Variants in MAN2B1 observed in about 807,000 individuals in gnomAD.
The protein encoded by MAN2B1 is lysosomal alpha-mannosidase.
A neutral mutation model predicts 127.5 loss-of-function variants in MAN2B1; 99 were observed. The ratio of observed to expected loss-of-function variants is 0.78; its 90% CI spans 0.66 to 0.92. The LOEUF is 0.92. Among genes scored for constraint, MAN2B1 ranks in the 40% least tolerant of loss-of-function variants. The probability of loss-of-function intolerance (pLI) is 0.00; values close to 1 mark genes in which losing one functional copy is unlikely to be tolerated. For synonymous variants in MAN2B1, 573 were observed against 568.8 expected (o/e 1.01, Z -0.11); for missense variants, 1,304 against 1,384.8 (o/e 0.94, Z 0.93).
At position 12,661,274 on chromosome 19, in the gene MAN2B1, G is replaced by A. The variant is rs143670944; in HGVS notation, c.1012C>T (p.Leu338=). 3.4e-5 allele frequency: 55 copies of A among 1,613,234 alleles called. No individual in the cohort carries two copies. The highest frequency in any genetic ancestry group is 4.2e-5 in the Non-Finnish European group (50 of 1,179,314). ...WFKNLDKLIR[L]VNAQQAKGSS... ...GGCGCACTGACCTGCGCATTTACCA[G>A]CCGGATGAGCTTGTCAAGGTTCTTG... is the stretch of plus-strand genomic sequence containing the variant. Residue 338 remains leucine (L), a synonymous_variant, in exon 7 of 24, where the codon CTG becomes TTG. Transcript: ENST00000456935.
rs1170482067 is a variant in MAN2B1 at position 12,655,822 on chromosome 19, C to T, written c.1702G>A (p.Ala568Thr). ...QAHPPELLFS[A>T]SLPALGFSTY... The stretch of plus-strand genomic sequence containing the variant: ...CTGAAGCCCAGGGCGGGCAGTGAGG[C>T]TGAGAACAGCAGCTCCGGAGGGTGC... Residue 568 changes from alanine to threonine, a missense_variant, in exon 14 of 24, where the codon GCC (alanine) becomes ACC (threonine). Ala to Thr is a moderately conservative substitution (Grantham distance 58). Coordinates refer to ENST00000456935, the MANE Select transcript of MAN2B1 (RefSeq NM_000528.4). 5 of 1,613,668 alleles carry T rather than the reference C, an allele frequency of 3.1e-6. No homozygotes were observed. The highest frequency in any genetic ancestry group is 1.7e-4 in the Middle Eastern group (1 of 6,050).
At chr19:12,658,644 A>G (rs538438295) in intron 7 of MAN2B1, 134 bp from the exon 8 acceptor site, 60 of 824,258 alleles carry the variant, frequency 7.3e-5, no homozygotes, top group South Asian at 7.3e-4. Flanking sequence ...GTGCAAGCCA[A>G]TGGTTGGGTG....
In MAN2B1 at chr19:12,647,573, G is replaced by C. The variant is rs1195402115; in HGVS notation, c.2690C>G (p.Pro897Arg). The C allele has an allele frequency of 6.2e-7, 1 of 1,613,970 alleles. No homozygotes were observed. The highest frequency in any genetic ancestry group is 1.1e-5 in the South Asian group (1 of 91,068). The change falls in exon 22 of 24, where the codon CCG becomes CGG. Residue 897 changes from proline to arginine, a missense_variant. Physicochemically the swap from Pro to Arg is moderately radical, Grantham distance 103 (BLOSUM62 -2). Transcript: ENST00000456935. The surrounding 1 kb of genome is among the most constrained non-coding windows in gnomAD (Gnocchi z 4.9). ...TQFSGLRRDL[P>R]PSVHLLTLAS... ...CAGCGTGAGCAGGTGCACCGAGGGC[G>C]GCAGGTCCCTGCGCAGCCCTGAGAA...
At chr19:12,656,805 C>G (rs2023972396) in intron 12 of MAN2B1, 118 bp from the exon 13 acceptor site, 9 of 1,047,256 alleles carry the variant, frequency 8.6e-6, no homozygotes, top group African/African-American at 1.6e-5. Context: ...TAAGGCCAAG[C>G]CCCCTCGAGA....
rs2023780336 is a variant in MAN2B1, at chr19:12,649,365, T to C, written c.2331A>G (p.Pro777=). The C allele has an allele frequency of 2.5e-6, 4 of 1,613,478 alleles. No homozygotes were observed. Among genetic ancestry groups the C allele is most frequent in the Non-Finnish European group, 3.4e-6 (4 of 1,179,818 alleles). ...CCGTGATGTAAATCCGGGTGTTGAC[T>C]GGATAGTAGTTTCCTGCCACGGGCT... ...QTEPVAGNYY[P]VNTRIYITDG... The change falls in exon 19 of 24, where the codon CCA becomes CCG. Residue 777 remains proline (P), a synonymous_variant. Coordinates refer to ENST00000456935, the MANE Select transcript of MAN2B1 (RefSeq NM_000528.4).
rs1489586190 is a variant in MAN2B1, at chr19:12,647,633, G to T, written c.2665-35C>A. On this transcript the variant is annotated intron_variant, in intron 21 of 23. Transcript: ENST00000456935. This position sits in a 1 kb window ranked among gnomAD's most constrained non-coding sequence, Gnocchi z 4.9. ...AGAGGGCGGGGCTGAGTTGGAGAGG[G>T]GCGGGGCCTGGATGGAGAAGGGCGG... 6.3e-7 allele frequency: 1 copy of T among 1,592,216 alleles called. No homozygotes were observed. Among genetic ancestry groups the T allele is most frequent in the Non-Finnish European group, 8.6e-7 (1 of 1,168,586 alleles).
intron 14 of MAN2B1, among the ~76,000 whole-genome samples, chr19:12,654,028 CT>C (rs1229468275): frequency 1.3e-5 from 2 of 150,446 alleles, no homozygotes; most frequent in Non-Finnish European, 3.0e-5. Context: ...CCAGCCTTTT[CT>C]TTTTTTCTTT....
chr19:12,656,058 G>C, intron 13 of MAN2B1, 179 bp from the exon 14 acceptor site: 15 of 502,190 alleles, frequency 3.0e-5, no homozygotes, highest in East Asian at 3.5e-5. Context: ...TCACCAGGTG[G>C]AAAAAAAAAC....
chr19:12,656,385 C>T (rs2023958258), intron 13 of MAN2B1, 186 bp downstream of exon 13: 1 of 574,982 alleles, frequency 1.7e-6, no homozygotes, highest in Admixed American at 3.0e-5. Flanking sequence ...GAGGACCACT[C>T]ACAGGAGGCA....
chr19:12,664,321 A>T (rs1007401946), intron 4 of MAN2B1, among the ~76,000 whole-genome samples: 9 of 152,210 alleles, frequency 5.9e-5, no homozygotes, highest in African/African-American at 2.2e-4. Flanking sequence ...TTGGGCTAGC[A>T]GGGAGAGGGC....
Position 12,647,480 on chromosome 19 carries a change from C to T in MAN2B1, c.2783G>A (p.Gly928Glu). 2 of 1,614,238 alleles carry T rather than the reference C, an allele frequency of 1.2e-6. No individual in the cohort carries two copies. Among genetic ancestry groups the T allele is most frequent in the Non-Finnish European group, 1.7e-6 (2 of 1,180,042 alleles). The change falls in exon 22 of 24, where the codon GGA becomes GAA. Residue 928 changes from glycine (G) to glutamate (E), a missense_variant. Transcript: ENST00000456935. This position sits in a 1 kb window ranked among gnomAD's most constrained non-coding sequence, Gnocchi z 4.9. Reference protein sequence around the residue: ...EHQFAVGEDSGRNLSAPVTLN... With the variant: ...EHQFAVGEDSERNLSAPVTLN... ...GGTAACGGGGGCGCTCAGGTTACGT[C>T]CGGAATCCTCTCCTACGGCAAACTG...
At position 12,658,648 on chromosome 19, in the gene MAN2B1, T is replaced by C. The variant is rs547314894; in HGVS notation, c.1027-138A>G. On this transcript the variant is annotated intron_variant, in intron 7 of 23. Coordinates refer to ENST00000456935, the MANE Select transcript of MAN2B1 (RefSeq NM_000528.4). ...ACATATTTGGCGTGCAAGCCAATGG[T>C]TGGGTGTGAAAATGAATTTTGGCTG... 8 of 807,868 alleles carry C rather than the reference T, an allele frequency of 9.9e-6. No homozygotes were observed. The Admixed American group carries it at 1.2e-4, about 12-fold the overall frequency. The allele number at this position is 807,868 out of a possible 1,614,324, so 50.0% of individuals were successfully genotyped here.
chr19:12,664,096 C>A, intron 4 of MAN2B1, among the ~76,000 whole-genome samples: 1 of 152,100 alleles, frequency 6.6e-6, no homozygotes, highest in East Asian at 1.9e-4. Context: ...CGTAGTGGTG[C>A]GCTCTTGTAG....
rs987054644 is a variant in MAN2B1 at position 12,655,751 on chromosome 19, G to A, written c.1773C>T (p.Arg591=). Residue 591 remains arginine, a synonymous_variant, in exon 14 of 24, where the codon CGC becomes CGT. Coordinates refer to ENST00000456935, the MANE Select transcript of MAN2B1 (RefSeq NM_000528.4). ...ATCTTCTGGGGATGGGCTGTGGTGC[G>A]CGGGCCTGGGGCTTCCAGCGAGGCA... ...AQVPRWKPQA[R]APQPIPRRSW... The A allele has an allele frequency of 5.6e-6, 9 of 1,609,048 alleles. No individual in the cohort carries two copies. The highest frequency in any genetic ancestry group is 1.1e-5 in the South Asian group (1 of 90,844).
In MAN2B1 at chr19:12,648,424, G is replaced by A. The variant is rs550855892; in HGVS notation, c.2437-22C>T. ...GCACCTGGGGGGAGAGTGGCCAGGA[G>A]GGGGTGAGAGTCGTGGGTTTGTGGG... is the stretch of plus-strand genomic sequence containing the variant. On this transcript the variant is annotated intron_variant, in intron 20 of 23. Coordinates refer to ENST00000456935, the MANE Select transcript of MAN2B1 (RefSeq NM_000528.4). The A allele has an allele frequency of 2.5e-5, 39 of 1,585,384 alleles. No homozygotes were observed. The African/African-American group carries it at 5.0e-4, about 20-fold the overall frequency.
In MAN2B1 at chr19:12,647,351, T is replaced by G. The variant is rs370579499; in HGVS notation, c.2821-16A>C. 2 of 1,612,518 alleles carry G rather than the reference T, an allele frequency of 1.2e-6. No homozygotes were observed. The highest frequency in any genetic ancestry group is 1.7e-6 in the Non-Finnish European group (2 of 1,178,618). Reference sequence around the variant, plus strand: ...AGAACAGGTCCTGCGGGGAAGGGGATGGGCCCAGATGAGTTGGGGCAAAGC... The same window carrying G: ...AGAACAGGTCCTGCGGGGAAGGGGAGGGGCCCAGATGAGTTGGGGCAAAGC... On this transcript the variant is annotated splice_polypyrimidine_tract_variant and intron_variant, in intron 22 of 23. Coordinates refer to ENST00000456935, the MANE Select transcript of MAN2B1 (RefSeq NM_000528.4). This position sits in a 1 kb window ranked among gnomAD's most constrained non-coding sequence, Gnocchi z 4.9.
chr19:12,654,239 T>C (rs1211912018), intron 14 of MAN2B1, among the ~76,000 whole-genome samples: 1 of 152,064 alleles, frequency 6.6e-6, no homozygotes, highest in Non-Finnish European at 1.5e-5. Context: ...AGTCAGGGTT[T>C]CACCGTGTTA....
intron 1 of MAN2B1, among the ~76,000 whole-genome samples, chr19:12,666,133 C>T (rs1220361332): frequency 1.3e-5 from 2 of 152,152 alleles, no homozygotes; most frequent in Non-Finnish European, 2.9e-5. Flanking sequence ...GATGAAGGCA[C>T]TGAGGCTTAG....
chr19:12,647,715 G>T lies in MAN2B1; in HGVS notation c.2665-117C>A, dbSNP rs1029823733. ...TGTAGGGGCGGGGTTTCGCCGGAGA[G>T]GGGCAAGGCTCAGCCGAGAGGAGCG... On this transcript the variant is annotated intron_variant, in intron 21 of 23. Coordinates refer to ENST00000456935, the MANE Select transcript of MAN2B1 (RefSeq NM_000528.4). This position sits in a 1 kb window ranked among gnomAD's most constrained non-coding sequence, Gnocchi z 4.9. 2.3e-5 allele frequency: 19 copies of T among 826,986 alleles called. No homozygotes were observed. The highest frequency in any genetic ancestry group is 2.3e-4 in the Admixed American group (9 of 39,500). The allele number at this position is 826,986 out of a possible 1,614,324, so 51.2% of individuals were successfully genotyped here.
Sources: allele counts gnomAD v4.1 joint callset (sites outside exome capture counted in the v4.1 genomes callset), GRCh38; gene constraint gnomAD v4.1.1; non-coding constraint Gnocchi (gnomAD v3.1); transcripts MANE v1.5; gene names NCBI Gene and HGNC (gene_info 2026-07-23, HGNC 2026-07-21).